The following SLC24A2 variants were observed in gnomAD, a reference collection of about 807,000 sequenced individuals.
SLC24A2 encodes the protein sodium/potassium/calcium exchanger 2.
A neutral mutation model predicts 62.0 loss-of-function variants in SLC24A2; 36 were observed. The observed-to-expected ratio is 0.58, with a 90% CI of 0.44 to 0.77. SLC24A2 has a LOEUF of 0.77. Ranked by LOEUF, SLC24A2 falls within the 30% of genes least tolerant of loss-of-function variation. The pLI is 0.00. For missense variants in SLC24A2, 846 were observed against 817.9 expected, an observed-to-expected ratio of 1.03 and a Z score of -0.42; for synonymous variants, 358 against 294.0, an observed-to-expected ratio of 1.22 and a Z score of -2.23.
chr9:20,089,592 A>G, the SLC24A2 span, among the ~76,000 whole-genome samples: 1 of 151,880 alleles, frequency 6.6e-6, no homozygotes, highest in Non-Finnish European at 1.5e-5. Context: ...GCTCATGACC[A>G]CAGAACAGTC....
the SLC24A2 span, among the ~76,000 whole-genome samples, chr9:19,856,864 G>A: frequency 6.6e-6 from 1 of 152,166 alleles, no homozygotes; most frequent in Non-Finnish European, 1.5e-5. Flanking sequence ...CCCTCATCTG[G>A]ACAAATCCCC....
At chr9:20,255,487 CT>C in the SLC24A2 span, among the ~76,000 whole-genome samples, 4 of 152,204 alleles carry the variant, frequency 2.6e-5, no homozygotes, top group Non-Finnish European at 5.9e-5. Context: ...TAGCTCATAT[CT>C]GTATACATGG....
chr9:19,963,701 T>C, the SLC24A2 span, among the ~76,000 whole-genome samples: 2 of 151,996 alleles, frequency 1.3e-5, no homozygotes, highest in African/African-American at 4.8e-5. Flanking sequence ...ATGACAATCA[T>C]TAAAAAGTCA....
the SLC24A2 span, among the ~76,000 whole-genome samples, chr9:19,841,552 A>C: frequency 6.6e-6 from 1 of 152,208 alleles, no homozygotes. Context: ...GCCAGTTATC[A>C]ATTTATTACC....
chr9:20,047,736 C>A, the SLC24A2 span, among the ~76,000 whole-genome samples: 2 of 150,792 alleles, frequency 1.3e-5, no homozygotes, highest in African/African-American at 4.9e-5. Flanking sequence ...ATCCCAACCA[C>A]GAGGGCCCTT....
chr9:19,718,075 C>G (rs1322285458), intron 2 of SLC24A2, among the ~76,000 whole-genome samples: 2 of 150,442 alleles, frequency 1.3e-5, no homozygotes, highest in Non-Finnish European at 2.9e-5. Context: ...CTCCCAGGTT[C>G]AAGCGATTCT....
intron 2 of SLC24A2, among the ~76,000 whole-genome samples, chr9:19,750,961 G>A (rs1412444820): frequency 1.3e-5 from 2 of 152,104 alleles, no homozygotes; most frequent in South Asian, 2.1e-4. Flanking sequence ...CTGGTAAGCC[G>A]GCTTCCTTCT....
At chr9:19,696,809 G>A (rs1021045771) in intron 2 of SLC24A2, among the ~76,000 whole-genome samples, 7 of 151,976 alleles carry the variant, frequency 4.6e-5, no homozygotes, top group African/African-American at 1.7e-4. Context: ...TAAAATGTAT[G>A]GGCTTTCTTT....
At chr9:19,959,748 T>A in the SLC24A2 span, among the ~76,000 whole-genome samples, 4 of 152,232 alleles carry the variant, frequency 2.6e-5, no homozygotes, top group South Asian at 8.3e-4. Context: ...TCTATGCAGA[T>A]AACTTAACAA....
intron 2 of SLC24A2, among the ~76,000 whole-genome samples, chr9:19,728,376 C>T (rs992767966): frequency 4.6e-5 from 7 of 151,676 alleles, no homozygotes; most frequent in African/African-American, 1.5e-4. Context: ...AATGATATCT[C>T]ATAAATTCAG....
intron 2 of SLC24A2, among the ~76,000 whole-genome samples, chr9:19,702,415 C>T (rs1417308528): frequency 2.0e-5 from 3 of 152,198 alleles, no homozygotes; most frequent in Admixed American, 6.5e-5. Flanking sequence ...CTAACTTCAT[C>T]ACAAACAAAT....
the SLC24A2 span, among the ~76,000 whole-genome samples, chr9:20,037,569 G>A: frequency 6.6e-6 from 1 of 152,214 alleles, no homozygotes; most frequent in African/African-American, 2.4e-5. Context: ...TGAATTGACA[G>A]TAACATTCTG....
At chr9:20,124,509 T>C in the SLC24A2 span, among the ~76,000 whole-genome samples, 2 of 152,216 alleles carry the variant, frequency 1.3e-5, no homozygotes, top group East Asian at 1.9e-4. Flanking sequence ...TGCATTTTGA[T>C]GACTTTTCTT....
chr9:19,520,620 A>G (rs1216318739), intron 10 of SLC24A2, among the ~76,000 whole-genome samples: 1 of 152,106 alleles, frequency 6.6e-6, no homozygotes, highest in African/African-American at 2.4e-5. Context: ...ATGTTGTTAT[A>G]TAAGTGAAAT....
chr9:19,745,762 T>C (rs895138880), intron 2 of SLC24A2, among the ~76,000 whole-genome samples: 17 of 152,186 alleles, frequency 1.1e-4, no homozygotes, highest in Admixed American at 6.6e-5. Context: ...ACCTAACTCC[T>C]ATAAATAAGA....
the SLC24A2 span, among the ~76,000 whole-genome samples, chr9:20,025,473 C>T: frequency 6.6e-6 from 1 of 152,104 alleles, no homozygotes; most frequent in East Asian, 1.9e-4. Context: ...TATCACCCTT[C>T]AGGTGGTGGT....
chr9:19,843,229 A>T, the SLC24A2 span, among the ~76,000 whole-genome samples: 229 of 152,316 alleles, frequency 1.5e-3, no homozygotes, highest in Non-Finnish European at 2.7e-3. Context: ...GGCCAGGCGC[A>T]GTGGCTTGTG....
At chr9:19,960,987 A>G in the SLC24A2 span, among the ~76,000 whole-genome samples, 3 of 150,860 alleles carry the variant, frequency 2.0e-5, no homozygotes, top group Non-Finnish European at 4.4e-5. Context: ...GTGACAATAT[A>G]TATTTTGATG....
At chr9:19,827,298 C>G in the SLC24A2 span, among the ~76,000 whole-genome samples, 2 of 152,090 alleles carry the variant, frequency 1.3e-5, no homozygotes, top group South Asian at 4.1e-4. Context: ...GAGCTGTTTA[C>G]CTCCACTCCC....
Sources: gnomAD v4.1 joint callset for allele counts (sites outside exome capture counted in the v4.1 genomes callset) on GRCh38, gnomAD v4.1.1 for gene constraint, MANE v1.5 for transcripts, NCBI Gene and HGNC (gene_info 2026-07-23, HGNC 2026-07-21) for gene names.